Variants in CDH3 observed in about 807,000 individuals in gnomAD.
The protein encoded by CDH3 is cadherin-3.
In CDH3, 54 loss-of-function variants were observed where a neutral mutation model predicts 82.0. That is an observed-to-expected ratio of 0.66 (90% confidence interval 0.53 to 0.83). The LOEUF is 0.83. Among genes scored for constraint, CDH3 ranks in the 40% least tolerant of loss-of-function variants. The pLI is 0.00. For missense variants in CDH3, 1,054 were observed against 1,084.6 expected, an observed-to-expected ratio of 0.97 and a Z score of 0.40; for synonymous variants, 446 against 437.9, an observed-to-expected ratio of 1.02 and a Z score of -0.23.
chr16:68,659,803 C>G (rs1447298535), intron 2 of CDH3, among the ~76,000 whole-genome samples: 1 of 74,604 alleles, frequency 1.3e-5, no homozygotes, highest in South Asian at 4.6e-4. Context: ...CCTTGTAGAC[C>G]CTTTTTTTTT....
chr16:68,654,455 C>T (rs1379591968), intron 2 of CDH3, among the ~76,000 whole-genome samples: 1 of 110,822 alleles, frequency 9.0e-6, no homozygotes, highest in Non-Finnish European at 1.7e-5. Context: ...GTAATCCCAG[C>T]ACTTTGGGAG....
intron 2 of CDH3, among the ~76,000 whole-genome samples, chr16:68,673,951 G>T (rs1213367001): frequency 6.6e-6 from 1 of 152,122 alleles, no homozygotes; most frequent in African/African-American, 2.4e-5. Context: ...TGGACACTTG[G>T]GTTGTTTCTA....
intron 9 of CDH3, 138 bp downstream of exon 9, chr16:68,682,625 C>T: frequency 1.2e-6 from 1 of 808,370 alleles, no homozygotes; most frequent in South Asian, 1.4e-5. Context: ...TGTTCTACCA[C>T]TCTTGTGTTG....
chr16:68,695,305 G>C lies in CDH3; in HGVS notation c.2053G>C (p.Glu685Gln). The C allele has an allele frequency of 6.2e-7, 1 of 1,614,076 alleles. No individual in the cohort carries two copies. Among genetic ancestry groups the C allele is most frequent in the Non-Finnish European group, 8.5e-7 (1 of 1,180,010 alleles). ...LLVRKKRKIKEPLLLPEDDTR... is the reference protein window; with the variant it reads ...LLVRKKRKIKQPLLLPEDDTR... ...GGTGAGAAAGAAGCGGAAGATCAAG[G>C]AGCCCCTCCTACTCCCAGAAGATGA... The change falls in exon 14 of 16, where the codon GAG (glutamate) becomes CAG (glutamine). Residue 685 changes from glutamate (E) to glutamine (Q), a missense_variant. Physicochemically the swap from Glu to Gln is conservative, Grantham distance 29. Transcript: ENST00000264012.
intron 2 of CDH3, among the ~76,000 whole-genome samples, chr16:68,658,074 T>TC (rs1960454069): frequency 6.7e-6 from 1 of 150,256 alleles, no homozygotes; most frequent in Non-Finnish European, 1.5e-5. Flanking sequence ...TTTTTTTTTT[T>TC]TTTTTTTTAG....
downstream of CDH3, among the ~76,000 whole-genome samples, chr16:68,700,524 C>G (rs1010138484): frequency 6.6e-6 from 1 of 152,226 alleles, no homozygotes; most frequent in Admixed American, 6.5e-5. Flanking sequence ...GAAGTTGGGG[C>G]TGGGCACCAT....
Position 68,678,540 on chromosome 16 carries a change from A to G in CDH3, c.430A>G (p.Ser144Gly). 1 of 1,614,234 alleles carries G rather than the reference A, an allele frequency of 6.2e-7. No individual in the cohort carries two copies. The highest frequency in any genetic ancestry group is 8.5e-7 in the Non-Finnish European group (1 of 1,180,032). Residue 144 changes from serine to glycine, a missense_variant, in exon 5 of 16, where the codon AGC becomes GGC. Ser to Gly is a moderately conservative substitution (Grantham distance 56, BLOSUM62 0). Transcript: ENST00000264012. Reference protein sequence around the residue: ...NKDRDTKIFYSITGPGADSPP... With the variant: ...NKDRDTKIFYGITGPGADSPP... The stretch of plus-strand genomic sequence containing the variant: ...AGATAGAGACACCAAGATTTTCTAC[A>G]GCATCACGGGGCCGGGGGCAGACAG...
intron 2 of CDH3, among the ~76,000 whole-genome samples, chr16:68,667,968 G>T (rs1271785140): frequency 6.6e-6 from 1 of 152,108 alleles, no homozygotes; most frequent in East Asian, 1.9e-4. Context: ...GCAGCCTCAG[G>T]TTACTGATTC....
chr16:68,705,885 G>T (rs1461718043), intron 1 of CDH3, among the ~76,000 whole-genome samples: 1 of 151,480 alleles, frequency 6.6e-6, no homozygotes, highest in Non-Finnish European at 1.5e-5. Flanking sequence ...CCAACACGGT[G>T]AAACCCCATC....
chr16:68,707,053 C>T lies in CDH3; in HGVS notation c.99+11130C>T, dbSNP rs1041397901. Among the ~76,000 whole-genome samples the T allele has an allele frequency of 1.3e-5, 2 of 152,126 alleles. No homozygotes were observed. Among genetic ancestry groups the T allele is most frequent in the African/African-American group, 4.8e-5 (2 of 41,428 alleles). ...AGGGAGGAAGGGCCTGGGGGTAGGG[C>T]TCAGTTCTAGGAGCCAGGGAAGGCA... On this transcript the variant is annotated intron_variant, in intron 1 of 2. Coordinates refer to the CDH3 transcript ENST00000569080. This position sits in a 1 kb window ranked among gnomAD's most constrained non-coding sequence, Gnocchi z 4.5.
chr16:68,701,965 A>G (rs1597825003), downstream of CDH3, among the ~76,000 whole-genome samples: 1 of 151,992 alleles, frequency 6.6e-6, no homozygotes, highest in East Asian at 2.0e-4. Flanking sequence ...CGGAGGTTGC[A>G]GTGAACCAAG....
At chr16:68,661,572 T>C (rs1035033438) in intron 2 of CDH3, among the ~76,000 whole-genome samples, 10 of 152,250 alleles carry the variant, frequency 6.6e-5, no homozygotes, top group African/African-American at 2.2e-4. Flanking sequence ...GTGACTTTCA[T>C]AGTTCATTCA....
intron 1 of CDH3, among the ~76,000 whole-genome samples, chr16:68,711,203 G>T (rs1439781929): frequency 6.6e-6 from 1 of 151,712 alleles, no homozygotes; most frequent in Non-Finnish European, 1.5e-5. Flanking sequence ...CCAGCTACTC[G>T]GGAGGCTGAG....
chr16:68,731,391 AAAAAATAT>A (rs1369718154), downstream of CDH3, among the ~76,000 whole-genome samples: 2 of 7,346 alleles, frequency 2.7e-4, no homozygotes, highest in African/African-American at 6.7e-4. Context: ...AAAAAAAAAA[AAAAAATAT>A]ATATATATAT....
chr16:68,675,269 C>T (rs9931201), intron 2 of CDH3, among the ~76,000 whole-genome samples: 6,945 of 152,178 alleles, frequency 0.046, 464 homozygotes, highest in African/African-American at 0.15. Flanking sequence ...GCCTGACATA[C>T]CTATGGACAG....
rs148855728 is a variant in CDH3, at chr16:68,684,635, A to G, written c.1235A>G (p.Asn412Ser). ...CACACCCTGTACGTTGAAGTGACCA[A>G]CGAGGCCCCTTTTGTGCTGAAGCTC... is the stretch of plus-strand genomic sequence containing the variant. ...NQHTLYVEVT[N>S]EAPFVLKLPT... Residue 412 changes from asparagine (N) to serine (S), a missense_variant, in exon 10 of 16, where the codon AAC (asparagine) becomes AGC (serine). By Grantham distance (46) the Asn-to-Ser change is conservative. Coordinates refer to ENST00000264012, the MANE Select transcript of CDH3 (RefSeq NM_001793.6). 1.1e-5 allele frequency: 18 copies of G among 1,614,084 alleles called. No homozygotes were observed. The East Asian group carries it at 1.3e-4, about 12-fold the overall frequency.
chr16:68,645,937 G>A (rs1375581556), intron 2 of CDH3, 187 bp downstream of exon 2: 2 of 597,162 alleles, frequency 3.3e-6, no homozygotes, highest in African/African-American at 1.9e-5. Flanking sequence ...GGGCAGCAGA[G>A]CGCCTATGAC....
At chr16:68,682,935 T>C (rs1961272693) in intron 9 of CDH3, among the ~76,000 whole-genome samples, 1 of 152,174 alleles carries the variant, frequency 6.6e-6, no homozygotes. Context: ...TATTGGGGTA[T>C]AGGACGTGGG....
Position 68,684,599 on chromosome 16 carries a change from C to G in CDH3, c.1199C>G (p.Ala400Gly), listed in dbSNP as rs112133581. Residue 400 changes from alanine (A) to glycine (G), a missense_variant, in exon 10 of 16, where the codon GCC becomes GGC. Transcript: ENST00000264012. ...CTCTCCTAGGGTTTGGATTTTGAGGCCAAAAACCAGCACACCCTGTACGTT... is the reference window on the plus strand; with the variant it reads ...CTCTCCTAGGGTTTGGATTTTGAGGGCAAAAACCAGCACACCCTGTACGTT... ...LTTRKGLDFEAKNQHTLYVEV... is the reference protein window; with the variant it reads ...LTTRKGLDFEGKNQHTLYVEV... 9.3e-6 allele frequency: 15 copies of G among 1,614,128 alleles called. No individual in the cohort carries two copies. In the African/African-American group the frequency reaches 1.1e-4, roughly 11 times the overall value.
Sources: allele counts gnomAD v4.1 joint callset (sites outside exome capture counted in the v4.1 genomes callset), GRCh38; gene constraint gnomAD v4.1.1; non-coding constraint Gnocchi (gnomAD v3.1); transcripts MANE v1.5; gene names NCBI Gene and HGNC (gene_info 2026-07-23, HGNC 2026-07-21).